Variants in EVC observed in about 807,000 individuals in gnomAD.
EVC encodes evC complex member EVC.
Under a neutral mutation model 118.9 loss-of-function variants are expected in EVC, and 116 were observed. That is an observed-to-expected ratio of 0.98 (90% CI 0.84 to 1.14). The LOEUF (loss-of-function observed/expected upper bound fraction) is 1.14, where lower values mean the gene tolerates loss of function less well. EVC is among the 50% of genes most tolerant of loss of function. The pLI is 0.00. For synonymous variants in EVC, 619 were observed against 534.7 expected (o/e 1.16, Z -2.18); for missense variants, 1,401 against 1,246.4 (o/e 1.12, Z -1.87).
chr4:5,756,484 G>A lies in EVC; in HGVS notation c.1563+122G>A, dbSNP rs373102119. 4.3e-5 allele frequency: 34 copies of A among 782,142 alleles called. No homozygotes were observed. Among genetic ancestry groups the A allele is most frequent in the Non-Finnish European group, 6.1e-5 (28 of 458,664 alleles). The allele number at this position is 782,142 out of a possible 1,614,324, so 48.5% of individuals were successfully genotyped here. A position where few individuals can be genotyped will look rare whatever the true frequency, so the allele number is the denominator to read the frequency against. On this transcript the variant is annotated intron_variant, in intron 11 of 20. Coordinates refer to ENST00000264956, the MANE Select transcript of EVC (RefSeq NM_153717.3). This position sits in a 1 kb window ranked among gnomAD's most constrained non-coding sequence, Gnocchi z 4.2. ...AGGTCCAACCCCGCACTCATTGGCC[G>A]GTGATCCACGCAGGCTGTGTCCCCT...
At chr4:5,823,054 C>T in the EVC span, among the ~76,000 whole-genome samples, 2,810 of 152,294 alleles carry the variant, frequency 0.018, 74 homozygotes, top group African/African-American at 0.063. Flanking sequence ...TTTTTACTAG[C>T]TGCAGAACAC....
rs1485958332 is a variant in EVC, at chr4:5,749,703, G to T, written c.1098+1397G>T. 6.6e-6 allele frequency among the ~76,000 whole-genome samples: 1 copy of T among 152,124 alleles called. No homozygotes were observed. Among genetic ancestry groups the T allele is most frequent in the Non-Finnish European group, 1.5e-5 (1 of 68,032 alleles). Reference sequence around the variant, plus strand: ...GCCAGGGAACGAGCCCTCTGATGCTGCCCTGCACCCATTTCCCCGTCCTGT... The same window carrying T: ...GCCAGGGAACGAGCCCTCTGATGCTTCCCTGCACCCATTTCCCCGTCCTGT... On this transcript the variant is annotated intron_variant, in intron 8 of 20. Coordinates refer to ENST00000264956, the MANE Select transcript of EVC (RefSeq NM_153717.3). The surrounding 1 kb of genome is among the most constrained non-coding windows in gnomAD (Gnocchi z 4.4).
Position 5,731,778 on chromosome 4 carries a change from C to A in EVC, c.617+121C>A. The A allele has an allele frequency of 1.0e-6, 1 of 974,008 alleles. No individual in the cohort carries two copies. The highest frequency in any genetic ancestry group is 1.6e-6 in the Non-Finnish European group (1 of 627,308). The allele number at this position is 974,008 out of a possible 1,614,324, so 60.3% of individuals were successfully genotyped here. ...AGGTTCAGTGACTCTGCCAGGGACA[C>A]ACAGCGACCCAGCGTCACCATCGGA... On this transcript the variant is annotated intron_variant, in intron 4 of 20. Transcript: ENST00000264956. The surrounding 1 kb of genome is among the most constrained non-coding windows in gnomAD (Gnocchi z 5.6).
the EVC span, chr4:5,828,553 C>A: frequency 6.2e-7 from 1 of 1,614,230 alleles, no homozygotes; most frequent in African/African-American, 1.3e-5. Context: ...AATGAAGCGG[C>A]CCATGCCCTT....
chr4:5,796,409 A>G (rs1260938327), intron 13 of EVC, among the ~76,000 whole-genome samples: 2 of 152,104 alleles, frequency 1.3e-5, no homozygotes, highest in East Asian at 3.9e-4. Context: ...CTTCTTCCAG[A>G]GAGGATTTAT....
chr4:5,790,435 G>T lies in EVC; in HGVS notation c.1777-3173G>T, dbSNP rs191511139. On this transcript the variant is annotated intron_variant, in intron 12 of 20. Transcript: ENST00000264956. ...TCTGTGTTTAATCTGCATTCCAAAT[G>T]CAGCGTGCGCCATCTCCAGGATGCC... is the stretch of plus-strand genomic sequence containing the variant. Among the ~76,000 whole-genome samples the T allele has an allele frequency of 4.1e-3, 625 of 152,304 alleles. 1 individual carries two copies. The highest frequency in any genetic ancestry group is 0.014 in the African/African-American group (593 of 41,552).
chr4:5,783,774 T>C lies in EVC; in HGVS notation c.1776+10T>C, dbSNP rs1392606793. On this transcript the variant is annotated intron_variant, in intron 12 of 20. Transcript: ENST00000264956. ...AGAGCAAGACCAGCAGGTGCGGGCA[T>C]TTGGGAACCCAGGGGCTGGGGTCTG... The C allele has an allele frequency of 6.2e-7, 1 of 1,601,712 alleles. No individual in the cohort carries two copies. The highest frequency in any genetic ancestry group is 8.5e-7 in the Non-Finnish European group (1 of 1,173,824).
At chr4:5,808,088 C>T (rs1051407010) in intron 17 of EVC, 113 bp from the exon 18 acceptor site, 3 of 898,632 alleles carry the variant, frequency 3.3e-6, no homozygotes, top group African/African-American at 1.7e-5. Flanking sequence ...TGGCCAGGCC[C>T]CTCTTGGGGC....
intron 11 of EVC, among the ~76,000 whole-genome samples, chr4:5,759,308 C>T (rs1731651804): frequency 6.6e-6 from 1 of 152,154 alleles, no homozygotes; most frequent in Non-Finnish European, 1.5e-5. Context: ...AATGCTGAGG[C>T]TTACTGTGTT....
In EVC at chr4:5,745,226, G is replaced by T. The variant is rs565481068; in HGVS notation, c.824G>T (p.Gly275Val). 9 of 1,613,802 alleles carry T rather than the reference G, an allele frequency of 5.6e-6. No homozygotes were observed. The highest frequency in any genetic ancestry group is 7.6e-6 in the Non-Finnish European group (9 of 1,179,916). The change falls in exon 7 of 21, where the codon GGA becomes GTA. Residue 275 changes from glycine (G) to valine (V), a missense_variant. Coordinates refer to ENST00000264956, the MANE Select transcript of EVC (RefSeq NM_153717.3). Reference sequence around the variant, plus strand: ...CAGGATTTGGAGGAACTAGAAAAGGGACTTCAGGTCAAACTGTCAAACACA... The same window carrying T: ...CAGGATTTGGAGGAACTAGAAAAGGTACTTCAGGTCAAACTGTCAAACACA... Reference protein sequence around the residue: ...QEKDLEELEKGLQVKLSNTEM... With the variant: ...QEKDLEELEKVLQVKLSNTEM...
At chr4:5,733,298 T>G in intron 4 of EVC, 53 bp from the exon 5 acceptor site, 1 of 1,468,902 alleles carries the variant, frequency 6.8e-7, no homozygotes, top group East Asian at 2.3e-5. Context: ...ATATTCTTAC[T>G]CTTCATTTCC....
At chr4:5,718,117 A>G (rs980389207) in intron 1 of EVC, among the ~76,000 whole-genome samples, 5 of 152,180 alleles carry the variant, frequency 3.3e-5, no homozygotes, top group African/African-American at 1.2e-4. Context: ...ACAGAGTTTT[A>G]AATATAGTCT....
chr4:5,716,728 T>C (rs575922803), intron 1 of EVC, among the ~76,000 whole-genome samples: 1 of 152,380 alleles, frequency 6.6e-6, no homozygotes, highest in Non-Finnish European at 1.5e-5. Context: ...AAGTTGTTGA[T>C]AATTTCCCTT....
At chr4:5,721,593 C>T (rs952883132) in intron 2 of EVC, among the ~76,000 whole-genome samples, 1 of 152,160 alleles carries the variant, frequency 6.6e-6, no homozygotes, top group Non-Finnish European at 1.5e-5. Context: ...ATAGGCTGGG[C>T]ATGGTGGCTC....
At chr4:5,808,132 T>TCCCCCCCCCCCCCCCCCCCCCCCCC in intron 17 of EVC, 69 bp from the exon 18 acceptor site, 1 of 464,750 alleles carries the variant, frequency 2.2e-6, no homozygotes, top group Non-Finnish European at 4.1e-6. Context: ...GCCTTCCTTC[T>TCCCCCCCCCCCCCCCCCCCCCCCCC]CCCTCCCTCC....
chr4:5,788,553 A>T (rs1560410538), intron 12 of EVC, among the ~76,000 whole-genome samples: 1 of 152,216 alleles, frequency 6.6e-6, no homozygotes, highest in Admixed American at 6.5e-5. Context: ...AACCTGCCTT[A>T]CCCACAGCCT....
At chr4:5,778,085 G>A (rs1207544308) in intron 11 of EVC, among the ~76,000 whole-genome samples, 51 of 150,412 alleles carry the variant, frequency 3.4e-4, no homozygotes, top group Admixed American at 1.3e-3. Context: ...GAGAATATGC[G>A]GTGTTTGGTT....
chr4:5,774,175 C>A (rs755744682), intron 11 of EVC, among the ~76,000 whole-genome samples: 14 of 151,744 alleles, frequency 9.2e-5, no homozygotes, highest in Admixed American at 2.6e-4. Context: ...GGCCACCTGC[C>A]CATTTCTGGC....
At chr4:5,797,871 G>A (rs772482006) in intron 14 of EVC, among the ~76,000 whole-genome samples, 2 of 152,210 alleles carry the variant, frequency 1.3e-5, no homozygotes, top group African/African-American at 2.4e-5. Context: ...GGTAGAGAAG[G>A]CCTCTGTGGT....
Sources: gnomAD v4.1 joint callset for allele counts (sites outside exome capture counted in the v4.1 genomes callset) on GRCh38, gnomAD v4.1.1 for gene constraint, Gnocchi (gnomAD v3.1) non-coding constraint, MANE v1.5 for transcripts, NCBI Gene and HGNC (gene_info 2026-07-23, HGNC 2026-07-21) for gene names.